Variants in KLHDC1 observed in about 807,000 individuals in gnomAD.
KLHDC1 encodes kelch domain containing 1.
A neutral mutation model predicts 68.3 loss-of-function variants in KLHDC1; 53 were observed. The ratio of observed to expected loss-of-function variants is 0.78; its 90% CI spans 0.62 to 0.98. The LOEUF is 0.98. KLHDC1 is among the 50% of genes least tolerant of loss of function. The pLI, the probability that KLHDC1 is intolerant of heterozygous loss-of-function variation, is 0.00. For missense variants in KLHDC1, 470 were observed against 492.3 expected, an observed-to-expected ratio of 0.95 and a Z score of 0.43; for synonymous variants, 148 against 159.0, an observed-to-expected ratio of 0.93 and a Z score of 0.52.
intron 1 of KLHDC1, among the ~76,000 whole-genome samples, chr14:49,698,669 C>G (rs1887812380): frequency 6.6e-6 from 1 of 151,836 alleles, no homozygotes; most frequent in South Asian, 2.1e-4. Flanking sequence ...GCACATGCCA[C>G]CACGCCCAGC....
chr14:49,708,961 C>T (rs1349011166), intron 1 of KLHDC1, among the ~76,000 whole-genome samples, 198 bp from the exon 2 acceptor site: 1 of 151,720 alleles, frequency 6.6e-6, no homozygotes, highest in African/African-American at 2.4e-5. Context: ...TATTTTGATC[C>T]TTTATTGTTT....
chr14:49,695,955 A>G (rs899112512), intron 1 of KLHDC1, among the ~76,000 whole-genome samples: 1 of 151,552 alleles, frequency 6.6e-6, no homozygotes, highest in East Asian at 2.0e-4. Flanking sequence ...AGTCTCAGCT[A>G]CTGGGGAGGC....
chr14:49,743,616 T>TGTGTGTGTGTGTGTA, intron 11 of KLHDC1, 137 bp from the exon 12 acceptor site: 1 of 578,038 alleles, frequency 1.7e-6, no homozygotes, highest in Admixed American at 3.3e-5. Flanking sequence ...AATTTATGTG[T>TGTGTGTGTGTGTGTA]GTGTGTCAAC....
chr14:49,717,086 A>G (rs777512283), intron 4 of KLHDC1, among the ~76,000 whole-genome samples: 2 of 152,184 alleles, frequency 1.3e-5, no homozygotes, highest in Non-Finnish European at 2.9e-5. Flanking sequence ...CTGTATGTAT[A>G]TACCGCATGT....
chr14:49,743,957 A>T (rs1889129979), intron 12 of KLHDC1, 152 bp downstream of exon 12: 2 of 570,442 alleles, frequency 3.5e-6, no homozygotes, highest in South Asian at 4.8e-5. Flanking sequence ...CAAATTTATA[A>T]TGGTGAACTA....
intron 1 of KLHDC1, among the ~76,000 whole-genome samples, chr14:49,697,522 T>C (rs777917937): frequency 6.6e-6 from 1 of 152,238 alleles, no homozygotes; most frequent in Non-Finnish European, 1.5e-5. Context: ...CATCACTTGC[T>C]GTTGGAAAAA....
intron 1 of KLHDC1, among the ~76,000 whole-genome samples, chr14:49,693,533 C>T (rs1887634103): frequency 6.6e-6 from 1 of 151,728 alleles, no homozygotes; most frequent in Non-Finnish European, 1.5e-5. Context: ...CACTCTCCGC[C>T]CCTCTTTGCC....
Position 49,751,909 on chromosome 14 carries a change from T to C in KLHDC1, c.*137T>C, listed in dbSNP as rs1363214363. 5 of 425,852 alleles carry C rather than the reference T, an allele frequency of 1.2e-5. No homozygotes were observed. Among genetic ancestry groups the C allele is most frequent in the Non-Finnish European group, 2.1e-5 (5 of 235,874 alleles). The allele number at this position is 425,852 out of a possible 1,614,324, so 26.4% of individuals were successfully genotyped here. A position where few individuals can be genotyped will look rare whatever the true frequency, so the allele number is the denominator to read the frequency against. ...ACAGTCACTCTGTTAAGTGACTATA[T>C]GCCATGGGATATATGGAAAAAAGAT... On this transcript the variant is annotated 3_prime_UTR_variant, in exon 13 of 13. Transcript: ENST00000359332.
chr14:49,708,038 G>T (rs994594465), intron 1 of KLHDC1, among the ~76,000 whole-genome samples: 7 of 148,714 alleles, frequency 4.7e-5, no homozygotes, highest in Admixed American at 3.4e-4. Flanking sequence ...TATAGTTTTA[G>T]AAATTCTTAA....
At chr14:49,704,880 G>A (rs1272444775) in intron 1 of KLHDC1, among the ~76,000 whole-genome samples, 3 of 152,156 alleles carry the variant, frequency 2.0e-5, no homozygotes, top group Non-Finnish European at 2.9e-5. Context: ...TCTTTTATGT[G>A]TGAGGCACTG....
intron 4 of KLHDC1, among the ~76,000 whole-genome samples, chr14:49,711,425 G>A (rs980016836): frequency 2.0e-5 from 3 of 152,110 alleles, no homozygotes; most frequent in Non-Finnish European, 2.9e-5. Flanking sequence ...GGATAATCTC[G>A]ATCTCCTGTG....
chr14:49,733,739 C>G (rs1888870428), intron 9 of KLHDC1, among the ~76,000 whole-genome samples: 1 of 152,048 alleles, frequency 6.6e-6, no homozygotes, highest in African/African-American at 2.4e-5. Context: ...TTTTCTTAAC[C>G]CAGAAGTTTT....
At chr14:49,736,806 C>A (rs780942875) in intron 10 of KLHDC1, among the ~76,000 whole-genome samples, 32 of 152,282 alleles carry the variant, frequency 2.1e-4, no homozygotes, top group Non-Finnish European at 4.6e-4. Context: ...ACTACCTTTT[C>A]TCTCCCCAAC....
chr14:49,725,516 G>A (rs1436680378), intron 5 of KLHDC1, 170 bp from the exon 6 acceptor site: 1 of 511,874 alleles, frequency 2.0e-6, no homozygotes, highest in Non-Finnish European at 3.5e-6. Flanking sequence ...ACTGGTCTGG[G>A]GACCACGCTT....
intron 1 of KLHDC1, among the ~76,000 whole-genome samples, chr14:49,698,369 A>G (rs529803378): frequency 1.2e-4 from 18 of 151,688 alleles, no homozygotes; most frequent in African/African-American, 4.4e-4. Flanking sequence ...ACGCCCAACT[A>G]CTTTTTGTAT....
chr14:49,716,514 G>A (rs929222266), intron 4 of KLHDC1, among the ~76,000 whole-genome samples: 1 of 151,912 alleles, frequency 6.6e-6, no homozygotes, highest in Non-Finnish European at 1.5e-5. Context: ...CTCCCAAGTA[G>A]CTGGGGTTAC....
intron 4 of KLHDC1, among the ~76,000 whole-genome samples, chr14:49,713,850 A>T (rs373288681): frequency 0.88 from 43,761 of 49,876 alleles, 19,171 homozygotes; most frequent in South Asian, 0.95. Flanking sequence ...ATATATATAT[A>T]TTTTTTTTTT....
intron 4 of KLHDC1, 42 bp downstream of exon 4, chr14:49,710,423 C>T: frequency 9.9e-7 from 1 of 1,006,424 alleles, no homozygotes; most frequent in Non-Finnish European, 1.6e-6. Flanking sequence ...TCTACCTAAG[C>T]AAAGATAATA....
intron 10 of KLHDC1, 92 bp from the exon 11 acceptor site, chr14:49,740,006 A>C (rs1889021632): frequency 3.0e-6 from 2 of 674,964 alleles, no homozygotes; most frequent in South Asian, 4.6e-5. Flanking sequence ...AATAGATTAC[A>C]TTTTAGAGTA....
Sources: allele counts gnomAD v4.1 joint callset (sites outside exome capture counted in the v4.1 genomes callset), GRCh38; gene constraint gnomAD v4.1.1; transcripts MANE v1.5; gene names NCBI Gene and HGNC (gene_info 2026-07-23, HGNC 2026-07-21).